The following CASC3 variants were observed in gnomAD, a reference collection of about 807,000 sequenced individuals.
CASC3 encodes the protein protein CASC3.
CASC3 carries 30 observed loss-of-function variants against 80.5 expected under a neutral mutation model. The observed-to-expected ratio is 0.37, with a 90% CI of 0.28 to 0.51. The LOEUF is 0.51. CASC3 is among the 20% of genes least tolerant of loss of function. The probability of loss-of-function intolerance (pLI) is 0.94; values close to 1 mark genes in which losing one functional copy is unlikely to be tolerated. For missense variants in CASC3, 824 were observed against 922.2 expected, an observed-to-expected ratio of 0.89 and a Z score of 1.38; for synonymous variants, 312 against 333.6, an observed-to-expected ratio of 0.94 and a Z score of 0.70.
At chr17:40,158,113 G>A (rs1018542426) in intron 3 of CASC3, among the ~76,000 whole-genome samples, 10 of 152,182 alleles carry the variant, frequency 6.6e-5, no homozygotes, top group Admixed American at 3.3e-4. Context: ...TTGTTCCAGC[G>A]TCAACTATAC....
rs751932678 is a variant in CASC3 at position 40,170,876 on chromosome 17, C to T, written c.*471C>T. 41 of 985,314 alleles carry T rather than the reference C, an allele frequency of 4.2e-5. No homozygotes were observed. The highest frequency in any genetic ancestry group is 4.8e-5 in the Non-Finnish European group (40 of 829,786). The allele number at this position is 985,314 out of a possible 1,614,324, so 61.0% of individuals were successfully genotyped here. A position where few individuals can be genotyped will look rare whatever the true frequency, so the allele number is the denominator to read the frequency against. Reference sequence around the variant, plus strand: ...TTCTGTTTCTTGCTCTCTCTCCCTGCCTTTAAATGAAACAAGTCTAGTCTT... The same window carrying T: ...TTCTGTTTCTTGCTCTCTCTCCCTGTCTTTAAATGAAACAAGTCTAGTCTT... On this transcript the variant is annotated 3_prime_UTR_variant, in exon 14 of 14. Transcript: ENST00000264645.
Position 40,168,410 on chromosome 17 carries a change from A to C in CASC3, c.1958A>C (p.Asn653Thr). The C allele has an allele frequency of 6.2e-7, 1 of 1,612,488 alleles. No homozygotes were observed. The highest frequency in any genetic ancestry group is 8.5e-7 in the Non-Finnish European group (1 of 1,178,570). Residue 653 changes from asparagine to threonine, a missense_variant, in exon 11 of 14, where the codon AAT (asparagine) becomes ACT (threonine). Around this residue, in one of 3 missense-constraint regions of CASC3, gnomAD observed 464 missense variants for 506.0 expected, o/e 0.92. Transcript: ENST00000264645. ...PPPPPPHLYPNTQAPSQVYGG... is the reference protein window; with the variant it reads ...PPPPPPHLYPTTQAPSQVYGG... Reference sequence around the variant, plus strand: ...CCACCACCGCCTCATCTGTATCCTAATACACAGGTGAGATGGCTAATGATC... The same window carrying C: ...CCACCACCGCCTCATCTGTATCCTACTACACAGGTGAGATGGCTAATGATC...
Position 40,171,914 on chromosome 17 carries a change from T to A in CASC3, c.*1509T>A. ...AAGGAGGAAATAACTAAGAGATTCT[T>A]CTAGGGGTAGCTGGTGGTTGTGCCT... On this transcript the variant is annotated 3_prime_UTR_variant, in exon 14 of 14. Coordinates refer to ENST00000264645, the MANE Select transcript of CASC3 (RefSeq NM_007359.5). The A allele has an allele frequency of 7.9e-7, 1 of 1,258,494 alleles. No individual in the cohort carries two copies. Among genetic ancestry groups the A allele is most frequent in the Non-Finnish European group, 1.0e-6 (1 of 973,710 alleles). 78.0% of individuals were successfully genotyped at this position (1,258,494 alleles called of 1,614,324 possible). A position where few individuals can be genotyped will look rare whatever the true frequency, so the allele number is the denominator to read the frequency against.
chr17:40,160,948 T>A (rs888792792), intron 3 of CASC3, among the ~76,000 whole-genome samples: 3 of 152,066 alleles, frequency 2.0e-5, no homozygotes, highest in African/African-American at 7.2e-5. Context: ...GTATTTTTTT[T>A]AATGTGATAT....
At chr17:40,169,995 A>T (rs970094099) in intron 13 of CASC3, among the ~76,000 whole-genome samples, 1 of 151,668 alleles carries the variant, frequency 6.6e-6, no homozygotes, top group Non-Finnish European at 1.5e-5. Flanking sequence ...ACCTCAGGTG[A>T]TCCACCTGCC....
chr17:40,162,785 C>T lies in CASC3; in HGVS notation c.669C>T (p.Phe223=), dbSNP rs149420573. 1 of 1,614,068 alleles carries T rather than the reference C, an allele frequency of 6.2e-7. No homozygotes were observed. Among genetic ancestry groups the T allele is most frequent in the African/African-American group, 1.3e-5 (1 of 75,014 alleles). The change falls in exon 6 of 14, where the codon TTC becomes TTT. Residue 223 remains phenylalanine, a synonymous_variant. Coordinates refer to ENST00000264645, the MANE Select transcript of CASC3 (RefSeq NM_007359.5). ...AGGGTCGCTGGGAGCATGACAAGTT[C>T]CGGGAAGATGAGCAGGCCCCAAAGT... ...KDEGRWEHDK[F]REDEQAPKSR... is the part of the protein sequence containing the mutation.
chr17:40,145,881 T>C (rs573222394), intron 3 of CASC3, among the ~76,000 whole-genome samples: 2 of 152,250 alleles, frequency 1.3e-5, no homozygotes, highest in African/African-American at 4.8e-5. Flanking sequence ...TCTGCCGGTC[T>C]TGGTTTTTCA....
chr17:40,162,220 T>G (rs948716620), intron 5 of CASC3, 67 bp downstream of exon 5: 2 of 1,463,076 alleles, frequency 1.4e-6, no homozygotes, highest in Non-Finnish European at 1.9e-6. Context: ...GTACTTCGAT[T>G]TGCCTGTATT....
chr17:40,153,252 G>GGT lies in CASC3; in HGVS notation c.298-8501_298-8500insGT, dbSNP rs146900640. Among the ~76,000 whole-genome samples the GGT allele has an allele frequency of 7.2e-3, 1,099 of 152,126 alleles. 6 individuals carry two copies. The highest frequency in any genetic ancestry group is 9.2e-3 in the Non-Finnish European group (627 of 68,006). ...GAGATCATGTGGTGGTTATCTTTCT[G>GGT]TGTCTAGCTTATTTTACTTAGCATA... On this transcript the variant is annotated intron_variant, in intron 3 of 13. Coordinates refer to ENST00000264645, the MANE Select transcript of CASC3 (RefSeq NM_007359.5).
At chr17:40,141,349 G>A in intron 2 of CASC3, 115 bp downstream of exon 2, 3 of 1,058,780 alleles carry the variant, frequency 2.8e-6, no homozygotes, top group Non-Finnish European at 2.9e-6. Flanking sequence ...GCCACAGAGT[G>A]CCTTTTTGTA....
chr17:40,166,817 A>G lies in CASC3; in HGVS notation c.1492A>G (p.Met498Val). 5 of 1,604,468 alleles carry G rather than the reference A, an allele frequency of 3.1e-6. No individual in the cohort carries two copies. The highest frequency in any genetic ancestry group is 3.4e-6 in the Non-Finnish European group (4 of 1,176,940). The change falls in exon 8 of 14, where the codon ATG becomes GTG. Residue 498 changes from methionine to valine, a missense_variant. Physicochemically the swap from Met to Val is conservative, Grantham distance 21. This residue lies in a region of CASC3 where 464 missense variants were observed against 506.0 expected (regional missense o/e 0.92). Transcript: ENST00000264645. Reference protein sequence around the residue: ...ELRGMPNHIHMGAGPPPQFNR... With the variant: ...ELRGMPNHIHVGAGPPPQFNR... ...TACAGGTATGCCCAACCATATACAC[A>G]TGGGAGCAGGACCTCCACCTCAGTT...
At chr17:40,168,548 A>G (rs1989512745) in intron 11 of CASC3, 131 bp downstream of exon 11, 1 of 790,444 alleles carries the variant, frequency 1.3e-6, no homozygotes, top group East Asian at 2.7e-5. Context: ...TGACACCAAG[A>G]CGCCTCTTAG....
intron 1 of CASC3, 21 bp from the exon 2 acceptor site, chr17:40,141,186 A>G (rs1988706095): frequency 2.5e-6 from 4 of 1,612,250 alleles, no homozygotes; most frequent in East Asian, 2.2e-5. Flanking sequence ...GAACTAACCC[A>G]TGTCTTCTGC....
At chr17:40,163,335 A>G (rs982411298) in intron 6 of CASC3, 146 bp from the exon 7 acceptor site, 33 of 650,658 alleles carry the variant, frequency 5.1e-5, no homozygotes, top group African/African-American at 4.2e-4. Flanking sequence ...AGGTTTCGCT[A>G]TGTTGGCCAG....
intron 5 of CASC3, 37 bp downstream of exon 5, chr17:40,162,190 AT>A (rs954687966): frequency 6.3e-7 from 1 of 1,591,906 alleles, no homozygotes; most frequent in African/African-American, 1.4e-5. Flanking sequence ...TCTAACATGT[AT>A]TTTACACATG....
chr17:40,153,319 A>T (rs549235339), intron 3 of CASC3, among the ~76,000 whole-genome samples: 2 of 149,600 alleles, frequency 1.3e-5, no homozygotes, highest in African/African-American at 2.4e-5. Context: ...AAATGTCAAA[A>T]TTTTTTTTTT....
Position 40,140,674 on chromosome 17 carries a change from C to G in CASC3, c.126C>G (p.Gly42=). The G allele has an allele frequency of 6.3e-7, 1 of 1,599,608 alleles. No individual in the cohort carries two copies. The highest frequency in any genetic ancestry group is 8.5e-7 in the Non-Finnish European group (1 of 1,174,526). ...GGGSCSGSAG[G]GGSGSLPSQR... is the part of the protein sequence containing the mutation. ...GGAGCTGCAGCGGTAGCGCCGGAGG[C>G]GGCGGCAGCGGCTCTCTGCCTTCAC... Residue 42 remains glycine (G), a synonymous_variant, in exon 1 of 14, where the codon GGC becomes GGG. Transcript: ENST00000264645.
chr17:40,170,914 C>G lies in CASC3; in HGVS notation c.*509C>G. On this transcript the variant is annotated 3_prime_UTR_variant, in exon 14 of 14. Transcript: ENST00000264645. ...CAAGTCTAGTCTTCTGGTTTTCTAG[C>G]CCCTCTGGATTCCCTTTTGACTCTT... The G allele has an allele frequency of 2.0e-6, 2 of 985,518 alleles. No individual in the cohort carries two copies. Among genetic ancestry groups the G allele is most frequent in the Non-Finnish European group, 2.4e-6 (2 of 829,930 alleles). 61.0% of individuals were successfully genotyped at this position (985,518 alleles called of 1,614,324 possible).
At chr17:40,152,303 AATTT>A (rs900113579) in intron 3 of CASC3, among the ~76,000 whole-genome samples, 4 of 151,140 alleles carry the variant, frequency 2.6e-5, no homozygotes, top group Non-Finnish European at 4.4e-5. Context: ...ATGCCCAGCT[AATTT>A]ATTTATTTGT....
Sources: gnomAD v4.1 joint callset for allele counts (sites outside exome capture counted in the v4.1 genomes callset) on GRCh38, gnomAD v4.1.1 for gene constraint, gnomAD v4.1.1 regional missense constraint, MANE v1.5 for transcripts, NCBI Gene and HGNC (gene_info 2026-07-23, HGNC 2026-07-21) for gene names.